ANTXR2: variants seen among roughly 807,000 people sequenced by gnomAD.
ANTXR2 encodes the protein anthrax toxin receptor 2.
ANTXR2 carries 44 observed loss-of-function variants against 73.7 expected under a neutral mutation model. The observed-to-expected ratio is 0.60, with a 90% CI of 0.47 to 0.77. The LOEUF is 0.77. ANTXR2 is among the 30% of genes least tolerant of loss of function. ANTXR2 has a pLI of 0.00. For synonymous variants in ANTXR2, 217 were observed against 205.9 expected, an observed-to-expected ratio of 1.05 and a Z score of -0.46; for missense variants, 604 against 592.5, an observed-to-expected ratio of 1.02 and a Z score of -0.20.
Position 79,921,655 on chromosome 4 carries a change from C to T in ANTXR2, c.1429-14188G>A, listed in dbSNP as rs1428694690. ...TATTTTGAAGGGCAATTATGGATTA[C>T]TTTCTGAAAGCTTACGAATAAAAAT... is the stretch of plus-strand genomic sequence containing the variant. On this transcript the variant is annotated intron_variant, in intron 16 of 16. Coordinates refer to ENST00000403729, the MANE Select transcript of ANTXR2 (RefSeq NM_058172.6). Among the ~76,000 whole-genome samples the T allele has an allele frequency of 2.0e-5, 3 of 151,966 alleles. No homozygotes were observed. In the South Asian group the frequency reaches 6.2e-4, roughly 32 times the overall value.
At position 80,024,789 on chromosome 4, in the gene ANTXR2, TA is replaced by T. The variant is rs966964325; in HGVS notation, c.867-5814del. The T allele has an allele frequency of 3.2e-5, 12 of 375,854 alleles. No individual in the cohort carries two copies. In the East Asian group the frequency reaches 9.9e-4, roughly 31 times the overall value. 23.3% of individuals were successfully genotyped at this position (375,854 alleles called of 1,614,324 possible). A position where few individuals can be genotyped will look rare whatever the true frequency, so the allele number is the denominator to read the frequency against. ...GAAAAAACTGACAGTTAAGAGACTG[TA>T]AAAACAAAAGTAGTCTAAAGGGATA... On this transcript the variant is annotated intron_variant, in intron 10 of 16. Coordinates refer to ENST00000403729, the MANE Select transcript of ANTXR2 (RefSeq NM_058172.6).
At chr4:79,998,978 G>A (rs1309304633) in intron 12 of ANTXR2, among the ~76,000 whole-genome samples, 2 of 151,894 alleles carry the variant, frequency 1.3e-5, no homozygotes, top group East Asian at 3.9e-4. Flanking sequence ...CGCACACAGA[G>A]GACACTATCT....
intron 12 of ANTXR2, 108 bp downstream of exon 12, chr4:80,008,413 G>T: frequency 1.3e-6 from 1 of 757,218 alleles, no homozygotes; most frequent in South Asian, 2.1e-5. Flanking sequence ...AATTCATTTT[G>T]CAAACTGAAA....
At chr4:79,935,468 G>T (rs11098948) in intron 16 of ANTXR2, among the ~76,000 whole-genome samples, 1 of 151,542 alleles carries the variant, frequency 6.6e-6, no homozygotes, top group African/African-American at 2.4e-5. Flanking sequence ...ACTGTCTAGA[G>T]AAACATACTG....
At chr4:80,020,267 G>A (rs1390985407) in intron 10 of ANTXR2, among the ~76,000 whole-genome samples, 2 of 151,836 alleles carry the variant, frequency 1.3e-5, no homozygotes, top group Non-Finnish European at 2.9e-5. Flanking sequence ...GTGCCTATAG[G>A]TCCAACTATT....
chr4:80,007,016 C>T (rs894259801), intron 12 of ANTXR2, among the ~76,000 whole-genome samples: 2 of 151,868 alleles, frequency 1.3e-5, no homozygotes, highest in African/African-American at 4.8e-5. Flanking sequence ...GGAAACTGAG[C>T]ATAAATTGCT....
chr4:79,925,997 AG>A (rs1727765989), intron 16 of ANTXR2, among the ~76,000 whole-genome samples: 1 of 152,100 alleles, frequency 6.6e-6, no homozygotes, highest in Non-Finnish European at 1.5e-5. Flanking sequence ...ACCATCAATG[AG>A]TGTATCCTTA....
chr4:79,954,818 T>C (rs1728830792), intron 16 of ANTXR2, among the ~76,000 whole-genome samples: 1 of 152,174 alleles, frequency 6.6e-6, no homozygotes, highest in African/African-American at 2.4e-5. Context: ...ACAAGTGTTA[T>C]TTGTCATCTA....
At chr4:79,978,221 G>A (rs770157244) in intron 14 of ANTXR2, 47 bp from the exon 15 acceptor site, 2 of 1,574,344 alleles carry the variant, frequency 1.3e-6, no homozygotes, top group African/African-American at 1.4e-5. Flanking sequence ...AAGTGTCCTA[G>A]AGGAACAGGC....
chr4:80,064,370 G>A (rs1197504985), intron 3 of ANTXR2, among the ~76,000 whole-genome samples: 1 of 152,128 alleles, frequency 6.6e-6, no homozygotes, highest in Non-Finnish European at 1.5e-5. Context: ...AATCTATGAT[G>A]GCAGCTAATA....
intron 10 of ANTXR2, among the ~76,000 whole-genome samples, chr4:80,019,863 T>G (rs1253351310): frequency 6.6e-6 from 1 of 152,208 alleles, no homozygotes; most frequent in Non-Finnish European, 1.5e-5. Flanking sequence ...TTTGAAAATA[T>G]GATTTCAAAT....
At position 80,026,338 on chromosome 4, in the gene ANTXR2, G is replaced by A. The variant is rs534816098; in HGVS notation, c.866+5285C>T. On this transcript the variant is annotated intron_variant, in intron 10 of 16. Transcript: ENST00000403729. ...TTGCTCCCCCTTAGCCTTCTGCCAT[G>A]ACTAAGTTTCCTGAGGCTTCCCCAG... Among the ~76,000 whole-genome samples, 11 of 152,222 alleles carry A rather than the reference G, an allele frequency of 7.2e-5. No homozygotes were observed. In the South Asian group the frequency reaches 2.3e-3, roughly 32 times the overall value.
intron 12 of ANTXR2, among the ~76,000 whole-genome samples, chr4:80,006,077 A>G (rs537606872): frequency 1.1e-4 from 17 of 152,242 alleles, no homozygotes; most frequent in South Asian, 8.3e-4. Context: ...CATGACTCAG[A>G]ACTGAATTGG....
intron 7 of ANTXR2, among the ~76,000 whole-genome samples, chr4:80,046,238 T>A (rs1353043619): frequency 6.6e-6 from 1 of 151,776 alleles, no homozygotes; most frequent in African/African-American, 2.4e-5. Context: ...TTCTTCCACA[T>A]CTCACAATTC....
At chr4:79,957,130 G>A (rs570670918) in intron 16 of ANTXR2, among the ~76,000 whole-genome samples, 14 of 151,980 alleles carry the variant, frequency 9.2e-5, no homozygotes, top group African/African-American at 3.4e-4. Flanking sequence ...ATTGAGATAG[G>A]GCTAAGCTAC....
At position 79,996,253 on chromosome 4, in the gene ANTXR2, C is replaced by G. The variant is rs1385570519; in HGVS notation, c.1042-11390G>C. On this transcript the variant is annotated intron_variant, in intron 12 of 16. Transcript: ENST00000403729. ...AAGGGAAAGGGTGCAGAAGAAAAAG[C>G]CTATGATTTGTTGAGTAGTTGTTAC... is the stretch of plus-strand genomic sequence containing the variant. 5.3e-5 allele frequency among the ~76,000 whole-genome samples: 8 copies of G among 151,188 alleles called. No individual in the cohort carries two copies. The East Asian group carries it at 1.2e-3, about 22-fold the overall frequency.
At chr4:79,946,057 G>A (rs1423282122) in intron 16 of ANTXR2, among the ~76,000 whole-genome samples, 1 of 152,094 alleles carries the variant, frequency 6.6e-6, no homozygotes, top group Non-Finnish European at 1.5e-5. Context: ...CCAAGTTTTA[G>A]TCACTGAACT....
intron 16 of ANTXR2, among the ~76,000 whole-genome samples, chr4:79,964,171 C>T (rs1729258142): frequency 6.6e-6 from 1 of 152,114 alleles, no homozygotes; most frequent in Non-Finnish European, 1.5e-5. Context: ...GGAGAGACTG[C>T]CTTCTGAAGG....
chr4:80,064,955 A>T (rs1734428641), intron 3 of ANTXR2, among the ~76,000 whole-genome samples: 1 of 152,244 alleles, frequency 6.6e-6, no homozygotes, highest in Non-Finnish European at 1.5e-5. Flanking sequence ...TATTGTAGCC[A>T]ATATACTGCT....
Sources: gnomAD v4.1 joint callset for allele counts (sites outside exome capture counted in the v4.1 genomes callset) on GRCh38, gnomAD v4.1.1 for gene constraint, MANE v1.5 for transcripts, NCBI Gene and HGNC (gene_info 2026-07-23, HGNC 2026-07-21) for gene names.